Variants in GLYATL1 observed in about 807,000 individuals in gnomAD.
The protein encoded by GLYATL1 is glycine N-acyltransferase-like protein 1.
Under a neutral mutation model 20.0 loss-of-function variants are expected in GLYATL1, and 15 were observed. That is an observed-to-expected ratio of 0.75 (90% CI 0.50 to 1.15). The LOEUF is 1.15. GLYATL1 is among the 50% of genes most tolerant of loss of function. The probability of loss-of-function intolerance (pLI) is 0.00; values close to 1 mark genes in which losing one functional copy is unlikely to be tolerated. For missense variants in GLYATL1, 380 were observed against 368.5 expected, an observed-to-expected ratio of 1.03 and a Z score of -0.26; for synonymous variants, 151 against 131.5, an observed-to-expected ratio of 1.15 and a Z score of -1.01.
intron 2 of GLYATL1, among the ~76,000 whole-genome samples, chr11:58,945,181 C>T (rs10896882): frequency 0.16 from 23,930 of 151,608 alleles, 2,064 homozygotes; most frequent in East Asian, 0.31. Context: ...TATACAATAC[C>T]GCTGCATTGT....
chr11:58,909,376 T>G (rs569373822), downstream of GLYATL1, among the ~76,000 whole-genome samples: 1 of 152,262 alleles, frequency 6.6e-6, no homozygotes, highest in Non-Finnish European at 1.5e-5. Flanking sequence ...ATGATAGATC[T>G]TATGTTAAGT....
At chr11:58,952,368 A>T (rs1857057068) in intron 4 of GLYATL1, among the ~76,000 whole-genome samples, 1 of 152,096 alleles carries the variant, frequency 6.6e-6, no homozygotes, top group Admixed American at 6.5e-5. Flanking sequence ...TGAATATTTT[A>T]TTCATAATTT....
chr11:58,923,340 C>T (rs1298318558), upstream of GLYATL1, among the ~76,000 whole-genome samples: 1 of 152,192 alleles, frequency 6.6e-6, no homozygotes, highest in Non-Finnish European at 1.5e-5. Context: ...GGGGAGCTGC[C>T]TGCTTTTCTG....
At chr11:58,921,737 C>T (rs373542141) in intron 1 of GLYATL1, among the ~76,000 whole-genome samples, 3 of 152,190 alleles carry the variant, frequency 2.0e-5, no homozygotes, top group South Asian at 2.1e-4. Context: ...CCCAAGCCTC[C>T]GTTCAGCCTC....
At chr11:58,939,783 T>G (rs1856009200) in intron 1 of GLYATL1, 133 bp downstream of exon 1, 1 of 152,260 alleles carries the variant, frequency 6.6e-6, no homozygotes, top group Admixed American at 6.5e-5. Flanking sequence ...TGTTTCAGTA[T>G]GGACATTCTT....
At chr11:58,937,811 A>G (rs60039373), upstream of GLYATL1, among the ~76,000 whole-genome samples, 1,582 of 152,310 alleles carry the variant, frequency 0.01, 32 homozygotes, top group African/African-American at 0.036. Context: ...TCCCAGTTTC[A>G]CATTGCTAAG....
rs1454484909 is a variant in GLYATL1, at chr11:58,955,227, C to T, written c.365C>T (p.Ser122Leu). ...ATAAGAGTGGCTACATTTTCAAAGT[C>T]AGTGAAAGTAGAGCATTCGAGAGCA... ...EGIRVATFSK[S>L]VKVEHSRALL... The change falls in exon 6 of 7, where the codon TCA becomes TTA. Residue 122 changes from serine (S) to leucine (L), a missense_variant. Physicochemically the swap from Ser to Leu is moderately radical, Grantham distance 145. Coordinates refer to ENST00000532726, the MANE Select transcript of GLYATL1 (RefSeq NM_001389712.2). The T allele has an allele frequency of 4.3e-6, 7 of 1,614,036 alleles. No homozygotes were observed. Among genetic ancestry groups the T allele is most frequent in the Non-Finnish European group, 5.9e-6 (7 of 1,179,948 alleles).
chr11:58,918,819 G>A (rs568543492), intron 1 of GLYATL1, among the ~76,000 whole-genome samples: 101 of 152,332 alleles, frequency 6.6e-4, no homozygotes, highest in African/African-American at 2.4e-3. Flanking sequence ...TTTGCCATGT[G>A]TGGAATGGTT....
At chr11:58,915,118 C>T (rs568158181) in intron 1 of GLYATL1, among the ~76,000 whole-genome samples, 2 of 152,308 alleles carry the variant, frequency 1.3e-5, no homozygotes, top group Middle Eastern at 3.4e-3. Flanking sequence ...GAACATGTTG[C>T]TCTAAATTCT....
intron 1 of GLYATL1, among the ~76,000 whole-genome samples, chr11:58,916,381 T>C (rs1156676159): frequency 6.6e-6 from 1 of 152,224 alleles, no homozygotes; most frequent in Non-Finnish European, 1.5e-5. Context: ...CATATGGTTC[T>C]ACTGCCTTCA....
chr11:58,932,073 C>A (rs922257875), intron 1 of GLYATL1, among the ~76,000 whole-genome samples: 9 of 127,110 alleles, frequency 7.1e-5, no homozygotes, highest in Non-Finnish European at 1.4e-4. Context: ...GATCACACCA[C>A]TGCACTCCAG....
At chr11:58,912,621 C>T (rs1855073586), downstream of GLYATL1, among the ~76,000 whole-genome samples, 2 of 152,184 alleles carry the variant, frequency 1.3e-5, no homozygotes, top group African/African-American at 4.8e-5. Flanking sequence ...TTTTGTATGC[C>T]AGATGTGACA....
At chr11:58,953,089 C>T (rs1052318587) in intron 4 of GLYATL1, among the ~76,000 whole-genome samples, 1 of 152,256 alleles carries the variant, frequency 6.6e-6, no homozygotes, top group Non-Finnish European at 1.5e-5. Context: ...TTATGGAATA[C>T]TACACAGCAA....
intron 1 of GLYATL1, chr11:58,943,263 C>T: frequency 6.5e-7 from 1 of 1,529,480 alleles, no homozygotes; most frequent in Admixed American, 2.2e-5. Flanking sequence ...TTGGCCAATC[C>T]CAGCAGCCAT....
chr11:58,951,290 C>A (rs779890079), intron 4 of GLYATL1, among the ~76,000 whole-genome samples: 48 of 151,930 alleles, frequency 3.2e-4, no homozygotes, highest in Non-Finnish European at 6.6e-4. Context: ...ATGTTAGTAC[C>A]ATTTCTTAAA....
chr11:58,938,085 A>G (rs548029872), upstream of GLYATL1, among the ~76,000 whole-genome samples: 27 of 152,372 alleles, frequency 1.8e-4, no homozygotes, highest in African/African-American at 6.3e-4. Context: ...GTATAAATGT[A>G]TGCTTACAAC....
chr11:58,932,042 G>A (rs1855622622), intron 1 of GLYATL1, among the ~76,000 whole-genome samples: 2 of 142,654 alleles, frequency 1.4e-5, no homozygotes, highest in South Asian at 2.3e-4. Context: ...AACCCGGGAT[G>A]TGGAGGTTGC....
intron 3 of GLYATL1, 44 bp downstream of exon 3, chr11:58,947,209 G>T: frequency 6.3e-7 from 1 of 1,591,852 alleles, no homozygotes; most frequent in Non-Finnish European, 8.5e-7. Context: ...TAGGGGTGTT[G>T]AGGATGAGAA....
At chr11:58,925,615 C>T (rs1231822369), upstream of GLYATL1, among the ~76,000 whole-genome samples, 2 of 152,090 alleles carry the variant, frequency 1.3e-5, no homozygotes, top group East Asian at 3.9e-4. Context: ...GACATATGCA[C>T]ACATTCTTTC....
Sources: gnomAD v4.1 joint callset for allele counts (sites outside exome capture counted in the v4.1 genomes callset) on GRCh38, gnomAD v4.1.1 for gene constraint, MANE v1.5 for transcripts, NCBI Gene and HGNC (gene_info 2026-07-23, HGNC 2026-07-21) for gene names.